The following RERE variants were observed in gnomAD, a reference collection of about 807,000 sequenced individuals.
RERE encodes arginine-glutamic acid dipeptide repeats.
Under a neutral mutation model 146.1 loss-of-function variants are expected in RERE, and 40 were observed. That is an observed-to-expected ratio of 0.27 (90% CI 0.21 to 0.36). The LOEUF is 0.36. Ranked by LOEUF, RERE falls within the 10% of genes least tolerant of loss-of-function variation. The pLI is 1.00. For missense variants in RERE, 1,933 were observed against 2,138.7 expected, an observed-to-expected ratio of 0.90 and a Z score of 1.90; for synonymous variants, 1,003 against 866.0, an observed-to-expected ratio of 1.16 and a Z score of -2.78.
chr1:8,771,240 T>C (rs1378436987), intron 1 of RERE, among the ~76,000 whole-genome samples: 1 of 152,094 alleles, frequency 6.6e-6, no homozygotes, highest in Non-Finnish European at 1.5e-5. Flanking sequence ...TATTAGAAAC[T>C]GGGCCGGGCG....
intron 12 of RERE, 67 bp from the exon 13 acceptor site, chr1:8,366,041 T>G (rs1043888700): frequency 2.7e-5 from 41 of 1,500,870 alleles, no homozygotes; most frequent in Non-Finnish European, 3.5e-5. Context: ...GCACCCTCTC[T>G]GCCACAGTGG....
intron 4 of RERE, among the ~76,000 whole-genome samples, chr1:8,599,854 G>C (rs1570490020): frequency 6.6e-6 from 1 of 152,150 alleles, no homozygotes; most frequent in South Asian, 2.1e-4. Flanking sequence ...TCCTTAAACT[G>C]TCACCTAGGA....
At position 8,356,040 on chromosome 1, in the gene RERE, A is replaced by C. The variant is rs1641277125; in HGVS notation, c.4486+60T>G. ...AATGAGTAATGAATGAAGACAGCAG[A>C]CCAGACCCCAACCCAACCCTCACAC... On this transcript the variant is annotated intron_variant, in intron 21 of 22. Transcript: ENST00000400908. The surrounding 1 kb of genome is among the most constrained non-coding windows in gnomAD (Gnocchi z 5.2). 6.9e-7 allele frequency: 1 copy of C among 1,443,872 alleles called. No individual in the cohort carries two copies. Among genetic ancestry groups the C allele is most frequent in the Non-Finnish European group, 9.1e-7 (1 of 1,094,806 alleles). 89.4% of individuals were successfully genotyped at this position (1,443,872 alleles called of 1,614,324 possible). A position where few individuals can be genotyped will look rare whatever the true frequency, so the allele number is the denominator to read the frequency against.
intron 2 of RERE, among the ~76,000 whole-genome samples, chr1:8,647,125 G>C (rs2124305370): frequency 6.6e-6 from 1 of 152,268 alleles, no homozygotes; most frequent in South Asian, 2.1e-4. Context: ...CCTTGCTGTT[G>C]GATGTGTGGC....
intron 12 of RERE, 125 bp from the exon 13 acceptor site, chr1:8,366,099 T>C (rs1570055328): frequency 9.8e-7 from 1 of 1,017,038 alleles, no homozygotes; most frequent in East Asian, 2.6e-5. Context: ...TAAAGACCAG[T>C]CGCTCCTGGA....
intron 12 of RERE, among the ~76,000 whole-genome samples, chr1:8,388,818 C>T (rs1642779497): frequency 6.6e-6 from 1 of 152,168 alleles, no homozygotes; most frequent in Middle Eastern, 3.2e-3. Flanking sequence ...AAATGATATG[C>T]AAGTGCTTCC....
At chr1:8,448,457 T>TA (rs2124049231) in intron 11 of RERE, among the ~76,000 whole-genome samples, 1 of 150,908 alleles carries the variant, frequency 6.6e-6, no homozygotes, top group African/African-American at 2.4e-5. Flanking sequence ...GGGAAGGGAA[T>TA]AAAAAGGGGG....
chr1:8,615,783 T>C (rs1162524825), intron 3 of RERE, among the ~76,000 whole-genome samples: 2 of 151,930 alleles, frequency 1.3e-5, no homozygotes, highest in East Asian at 1.9e-4. Context: ...TCCCTACACA[T>C]AGACACACAC....
At chr1:8,385,692 A>G (rs1482895841) in intron 12 of RERE, among the ~76,000 whole-genome samples, 1 of 151,610 alleles carries the variant, frequency 6.6e-6, no homozygotes, top group Non-Finnish European at 1.5e-5. Flanking sequence ...GAAGCCTTCT[A>G]CCAAACAAAC....
At position 8,557,118 on chromosome 1, in the gene RERE, T is replaced by C. The variant is rs567124601; in HGVS notation, c.628+300A>G. On this transcript the variant is annotated intron_variant, in intron 5 of 22. Coordinates refer to ENST00000400908, the MANE Select transcript of RERE (RefSeq NM_001042681.2). The stretch of plus-strand genomic sequence containing the variant: ...ATTGGTTTGTTGACTGTGAGAAAAG[T>C]GGAGCAGGATCAGGGCCAGGCAAAG... Among the ~76,000 whole-genome samples the C allele has an allele frequency of 5.6e-4, 85 of 151,898 alleles. 1 individual carries two copies. The highest frequency in any genetic ancestry group is 7.2e-4 in the Admixed American group (11 of 15,280).
intron 11 of RERE, among the ~76,000 whole-genome samples, chr1:8,452,663 T>C (rs935168802): frequency 2.0e-5 from 3 of 152,196 alleles, no homozygotes; most frequent in Admixed American, 2.0e-4. Context: ...AAACAGTGGA[T>C]ACAACGGTCT....
intron 2 of RERE, among the ~76,000 whole-genome samples, chr1:8,628,028 A>G (rs1209869289): frequency 6.6e-6 from 1 of 152,214 alleles, no homozygotes; most frequent in Non-Finnish European, 1.5e-5. Flanking sequence ...TCAACCGGAC[A>G]TACGGAATGA....
At chr1:8,368,369 G>C (rs1570062886) in intron 12 of RERE, among the ~76,000 whole-genome samples, 1 of 152,138 alleles carries the variant, frequency 6.6e-6, no homozygotes, top group South Asian at 2.1e-4. Context: ...AGCTACTCGG[G>C]AGTCTGAGAC....
At chr1:8,670,189 A>G (rs1476356696) in intron 1 of RERE, among the ~76,000 whole-genome samples, 1 of 152,236 alleles carries the variant, frequency 6.6e-6, no homozygotes, top group Non-Finnish European at 1.5e-5. Context: ...ATTCAAAAAG[A>G]AAAGCAGAAG....
intron 2 of RERE, among the ~76,000 whole-genome samples, chr1:8,639,029 T>C (rs1647140288): frequency 6.6e-6 from 1 of 152,080 alleles, no homozygotes; most frequent in South Asian, 2.1e-4. Flanking sequence ...CATCTCGGCC[T>C]CCCAAAGTGC....
intron 11 of RERE, among the ~76,000 whole-genome samples, chr1:8,429,600 C>T (rs1232976452): frequency 6.6e-6 from 1 of 152,122 alleles, no homozygotes; most frequent in Non-Finnish European, 1.5e-5. Context: ...CTGCATTAAC[C>T]CCTGGCTGAG....
At chr1:8,731,811 TTTG>T (rs1286025775) in intron 1 of RERE, among the ~76,000 whole-genome samples, 4 of 152,134 alleles carry the variant, frequency 2.6e-5, no homozygotes, top group African/African-American at 9.7e-5. Context: ...TTTGTTTTGT[TTTG>T]TTTTTTTGAG....
In RERE at chr1:8,665,751, T is replaced by C. The variant is rs550775437; in HGVS notation, c.-144-9310A>G. Among the ~76,000 whole-genome samples, 223 of 152,332 alleles carry C rather than the reference T, an allele frequency of 1.5e-3. 1 individual carries two copies. Among genetic ancestry groups the C allele is most frequent in the African/African-American group, 5.1e-3 (213 of 41,574 alleles). ...GCCAACACTCACTGGGCACTTAATA[T>C]GCACTAAGCACTTTACACATGTTAA... On this transcript the variant is annotated intron_variant, in intron 1 of 22. Transcript: ENST00000400908.
At position 8,355,401 on chromosome 1, in the gene RERE, C is replaced by T; in HGVS notation, c.4667+18G>A. 1 of 1,610,756 alleles carries T rather than the reference C, an allele frequency of 6.2e-7. No homozygotes were observed. The highest frequency in any genetic ancestry group is 1.1e-5 in the South Asian group (1 of 90,916). On this transcript the variant is annotated intron_variant, in intron 22 of 22. Coordinates refer to ENST00000400908, the MANE Select transcript of RERE (RefSeq NM_001042681.2). ...GGCTCAGATAACCCCTCCACTCCCTCCCAGCACCCCACCTCACCTGTAATA... is the reference window on the plus strand; with the variant it reads ...GGCTCAGATAACCCCTCCACTCCCTTCCAGCACCCCACCTCACCTGTAATA...
Sources: allele counts gnomAD v4.1 joint callset (sites outside exome capture counted in the v4.1 genomes callset), GRCh38; gene constraint gnomAD v4.1.1; non-coding constraint Gnocchi (gnomAD v3.1); transcripts MANE v1.5; gene names NCBI Gene and HGNC (gene_info 2026-07-23, HGNC 2026-07-21).